Variants in LRRIQ1 observed in about 807,000 individuals in gnomAD.
LRRIQ1 encodes the protein leucine-rich repeat- and IQ domain-containing protein 1.
Under a neutral mutation model 211.9 loss-of-function variants are expected in LRRIQ1, and 210 were observed. The observed-to-expected ratio is 0.99, with a 90% CI of 0.89 to 1.11. The LOEUF (loss-of-function observed/expected upper bound fraction) is 1.11, where lower values mean the gene tolerates loss of function less well. Ranked by LOEUF, LRRIQ1 falls within the 50% of genes most tolerant of loss-of-function variation. The probability of loss-of-function intolerance (pLI) is 0.00; values close to 1 mark genes in which losing one functional copy is unlikely to be tolerated. For missense variants in LRRIQ1, 2,136 were observed against 1,939.5 expected, an observed-to-expected ratio of 1.10 and a Z score of -1.90; for synonymous variants, 699 against 650.1, an observed-to-expected ratio of 1.08 and a Z score of -1.14.
intron 24 of LRRIQ1, among the ~76,000 whole-genome samples, chr12:85,165,070 T>C (rs1891083699): frequency 6.6e-6 from 1 of 152,192 alleles, no homozygotes; most frequent in Non-Finnish European, 1.5e-5. Flanking sequence ...TTATTATTGA[T>C]ATTATTATGA....
At chr12:85,139,750 A>G (rs546015403) in intron 19 of LRRIQ1, among the ~76,000 whole-genome samples, 51 of 151,558 alleles carry the variant, frequency 3.4e-4, no homozygotes, top group Admixed American at 1.5e-3. Context: ...AGGCATAATC[A>G]TACCTTAATC....
At chr12:85,261,571 CCTTA>C (rs1292255869) in intron 1 of LRRIQ1, among the ~76,000 whole-genome samples, 1 of 150,520 alleles carries the variant, frequency 6.6e-6, no homozygotes, top group East Asian at 2.0e-4. Context: ...TTTTCTCTAA[CCTTA>C]CTTAAGCACG....
chr12:85,071,206 A>G (rs1289285249), intron 10 of LRRIQ1, among the ~76,000 whole-genome samples: 2 of 152,082 alleles, frequency 1.3e-5, no homozygotes, highest in Admixed American at 6.6e-5. Flanking sequence ...TATAATATGT[A>G]CATATATAAT....
intron 13 of LRRIQ1, among the ~76,000 whole-genome samples, chr12:85,100,225 T>G (rs901218136): frequency 2.6e-5 from 4 of 151,704 alleles, no homozygotes; most frequent in African/African-American, 9.7e-5. Flanking sequence ...AATCAAGAAA[T>G]TTTTTGACAA....
intron 24 of LRRIQ1, among the ~76,000 whole-genome samples, chr12:85,220,854 T>A (rs1894369036): frequency 1.4e-5 from 2 of 146,226 alleles, no homozygotes; most frequent in African/African-American, 5.0e-5. Context: ...GTCGCCCAGG[T>A]TGGACGGCAG....
chr12:85,092,232 G>A (rs537691566), intron 11 of LRRIQ1, among the ~76,000 whole-genome samples: 18 of 152,270 alleles, frequency 1.2e-4, no homozygotes, highest in Admixed American at 1.0e-3. Flanking sequence ...ACTGCATTTG[G>A]TGGCAGGCTT....
At chr12:85,046,935 C>T (rs563571848) in intron 5 of LRRIQ1, among the ~76,000 whole-genome samples, 1 of 143,364 alleles carries the variant, frequency 7.0e-6, no homozygotes, top group Admixed American at 7.5e-5. Context: ...TCTCACTCAT[C>T]GGTGGGAATT....
chr12:85,184,385 A>G (rs952522509), intron 24 of LRRIQ1, among the ~76,000 whole-genome samples: 3 of 152,078 alleles, frequency 2.0e-5, no homozygotes, highest in Non-Finnish European at 4.4e-5. Flanking sequence ...TAATAACACT[A>G]TTTGAATAAA....
chr12:85,167,141 G>A (rs1891188730), intron 24 of LRRIQ1, among the ~76,000 whole-genome samples: 1 of 152,102 alleles, frequency 6.6e-6, no homozygotes, highest in Non-Finnish European at 1.5e-5. Context: ...TGGCTAATTT[G>A]TATTATCTCA....
At position 85,056,947 on chromosome 12, in the gene LRRIQ1, T is replaced by C. The variant is rs76817659; in HGVS notation, c.2154T>C (p.Asn718=). The change falls in exon 8 of 27, where the codon AAT becomes AAC. Residue 718 remains asparagine, a synonymous_variant. Coordinates refer to ENST00000393217, the MANE Select transcript of LRRIQ1 (RefSeq NM_001079910.2). ...ATATTTCAGAAAAATGCCATGAAAA[T>C]GCACCTGAACCTGATAGCATGACCT... ...IRNISEKCHE[N]APEPDSMTCC... The C allele has an allele frequency of 7.2e-5, 116 of 1,612,878 alleles. No homozygotes were observed. In the African/African-American group the frequency reaches 1.4e-3, roughly 19 times the overall value.
chr12:85,055,436 T>TA (rs1478519120), intron 7 of LRRIQ1, 111 bp from the exon 8 acceptor site: 9 of 862,268 alleles, frequency 1.0e-5, no homozygotes, highest in African/African-American at 1.8e-5. Flanking sequence ...TATAGAAACT[T>TA]TATTAAGACT....
intron 18 of LRRIQ1, among the ~76,000 whole-genome samples, chr12:85,135,648 G>A (rs541338403): frequency 2.9e-4 from 27 of 94,148 alleles, no homozygotes; most frequent in Non-Finnish European, 4.6e-4. Flanking sequence ...TTCTCCAAAG[G>A]TCACCAAAAT....
intron 24 of LRRIQ1, among the ~76,000 whole-genome samples, chr12:85,192,037 T>A (rs1405311959): frequency 1.3e-5 from 2 of 151,868 alleles, no homozygotes; most frequent in African/African-American, 4.8e-5. Flanking sequence ...TGCAGATTTG[T>A]TACAAAGGTA....
chr12:85,200,912 T>C (rs983185664), intron 24 of LRRIQ1, among the ~76,000 whole-genome samples: 1 of 151,960 alleles, frequency 6.6e-6, no homozygotes, highest in Non-Finnish European at 1.5e-5. Context: ...CTTCACCTCC[T>C]GGGTTCCAGC....
At chr12:85,167,005 C>A (rs1340998047) in intron 24 of LRRIQ1, among the ~76,000 whole-genome samples, 1 of 152,068 alleles carries the variant, frequency 6.6e-6, no homozygotes, top group Admixed American at 6.6e-5. Context: ...ATACAAAGGA[C>A]CCTGGCATTA....
chr12:85,197,543 T>C (rs1265118369), intron 24 of LRRIQ1, among the ~76,000 whole-genome samples: 2 of 150,332 alleles, frequency 1.3e-5, no homozygotes, highest in Non-Finnish European at 3.0e-5. Flanking sequence ...ATGGATGAAA[T>C]TGGAAATCAT....
intron 11 of LRRIQ1, among the ~76,000 whole-genome samples, chr12:85,078,827 T>C (rs779753518): frequency 5.3e-5 from 8 of 152,120 alleles, no homozygotes; most frequent in Admixed American, 2.0e-4. Flanking sequence ...TATTGCCAAG[T>C]AGTCGAAAAA....
chr12:85,192,556 T>C lies in LRRIQ1; in HGVS notation c.4822+31842T>C, dbSNP rs190865634. On this transcript the variant is annotated intron_variant, in intron 24 of 26. Transcript: ENST00000393217. ...TTATATATAAATATATATAGTTATATAATATAATTATATATAAATATATAG... is the reference window on the plus strand; with the variant it reads ...TTATATATAAATATATATAGTTATACAATATAATTATATATAAATATATAG... Among the ~76,000 whole-genome samples, 893 of 111,318 alleles carry C rather than the reference T, an allele frequency of 8.0e-3. 93 individuals carry two copies. The highest frequency in any genetic ancestry group is 0.037 in the African/African-American group (811 of 21,936). 73.0% of individuals were successfully genotyped at this position (111,318 alleles called of 152,430 possible). A position where few individuals can be genotyped will look rare whatever the true frequency, so the allele number is the denominator to read the frequency against.
chr12:85,113,814 G>A (rs988631187), intron 15 of LRRIQ1, among the ~76,000 whole-genome samples: 3 of 152,030 alleles, frequency 2.0e-5, no homozygotes, highest in Admixed American at 2.0e-4. Flanking sequence ...GGTTTCCTGA[G>A]AAACTGAACT....
Sources: allele counts gnomAD v4.1 joint callset (sites outside exome capture counted in the v4.1 genomes callset), GRCh38; gene constraint gnomAD v4.1.1; transcripts MANE v1.5; gene names NCBI Gene and HGNC (gene_info 2026-07-23, HGNC 2026-07-21).